Variants in CPNE8 observed in about 807,000 individuals in gnomAD.
The protein encoded by CPNE8 is copine 8, also known as copine-8.
Under a neutral mutation model 81.5 loss-of-function variants are expected in CPNE8, and 45 were observed. That is an observed-to-expected ratio of 0.55 (90% CI 0.44 to 0.71). CPNE8 has a LOEUF of 0.71. Among genes scored for constraint, CPNE8 ranks in the 30% least tolerant of loss-of-function variants. The pLI is 0.00. For missense variants in CPNE8, 594 were observed against 672.1 expected, an observed-to-expected ratio of 0.88 and a Z score of 1.28; for synonymous variants, 252 against 226.3, an observed-to-expected ratio of 1.11 and a Z score of -1.02.
chr12:38,724,863 AT>A lies in CPNE8; in HGVS notation c.834del (p.Lys278AsnfsTer8). The A allele has an allele frequency of 1.3e-6, 2 of 1,490,658 alleles. No individual in the cohort carries two copies. The highest frequency in any genetic ancestry group is 1.9e-6 in the Non-Finnish European group (2 of 1,076,860). The allele number at this position is 1,490,658 out of a possible 1,614,324, so 92.3% of individuals were successfully genotyped here. On this transcript the variant is annotated frameshift_variant, in exon 12 of 20. Transcript: ENST00000331366. LOFTEE classifies it high-confidence loss of function. ...TGACTTACTGTTCCAGAATTAGTAT[AT>A]TTTTTCTTTTTTCCTTTCTTTTTGG... ...VNPKKKGKKK[K>X]YTNSGTVTLL...
chr12:38,776,636 A>G (rs1941944920), intron 6 of CPNE8, among the ~76,000 whole-genome samples: 1 of 152,044 alleles, frequency 6.6e-6, no homozygotes, highest in Non-Finnish European at 1.5e-5. Context: ...TTTCAACATA[A>G]CTTTAAACAT....
chr12:38,780,223 T>C (rs1167671837), intron 6 of CPNE8, among the ~76,000 whole-genome samples: 1 of 152,106 alleles, frequency 6.6e-6, no homozygotes, highest in African/African-American at 2.4e-5. Flanking sequence ...GTTGACTATA[T>C]ATGTTTGGAT....
Position 38,795,998 on chromosome 12 carries a change from C to T in CPNE8, c.408-19697G>A, listed in dbSNP as rs150463102. On this transcript the variant is annotated intron_variant, in intron 6 of 19. Coordinates refer to ENST00000331366, the MANE Select transcript of CPNE8 (RefSeq NM_153634.3). ...GAACTCAGGCCAGGAACGGTGGTCA[C>T]GCCTGTAATCCCAGCACTTTGAGAG... is the stretch of plus-strand genomic sequence containing the variant. Among the ~76,000 whole-genome samples, 590 of 152,232 alleles carry T rather than the reference C, an allele frequency of 3.9e-3. 1 individual carries two copies. The highest frequency in any genetic ancestry group is 5.5e-3 in the Non-Finnish European group (373 of 68,006).
rs532303763 is a variant in CPNE8 at position 38,707,255 on chromosome 12, G to A, written c.915-4334C>T. Among the ~76,000 whole-genome samples, 36 of 152,186 alleles carry A rather than the reference G, an allele frequency of 2.4e-4. No homozygotes were observed. The South Asian group carries it at 6.0e-3, about 25-fold the overall frequency. ...CTTCAGCCTACGAATTTGAGGCTGCGGTGAGCTATACTTGCACTGCTGCAC... is the reference window on the plus strand; with the variant it reads ...CTTCAGCCTACGAATTTGAGGCTGCAGTGAGCTATACTTGCACTGCTGCAC... On this transcript the variant is annotated intron_variant, in intron 13 of 19. Transcript: ENST00000331366.
chr12:38,895,963 T>C (rs1944382990), intron 1 of CPNE8, among the ~76,000 whole-genome samples: 1 of 152,108 alleles, frequency 6.6e-6, no homozygotes, highest in African/African-American at 2.4e-5. Flanking sequence ...AACCTCAATT[T>C]CTTCACTTGT....
intron 13 of CPNE8, among the ~76,000 whole-genome samples, chr12:38,717,426 G>GATATATATATATATATATATATATAT (rs1565581359): frequency 3.6e-5 from 1 of 27,780 alleles, no homozygotes; most frequent in Non-Finnish European, 7.2e-5. Flanking sequence ...AAGAAAGTGT[G>GATATATATATATATATATATATATAT]GTGTATATAT....
rs778310884 is a variant in CPNE8, at chr12:38,693,778, C to T, written c.1022G>A (p.Gly341Asp). The change falls in exon 15 of 20, where the codon GGT becomes GAT. Residue 341 changes from glycine to aspartate, a missense_variant. By Grantham distance (94) the Gly-to-Asp change is moderately conservative. Transcript: ENST00000331366. Reference sequence around the variant, plus strand: ...TTCTCCCACTGCTTTTAGTGCCATACCATAGGCATTCAGTTGGTAAGGATT... The same window carrying T: ...TTCTCCCACTGCTTTTAGTGCCATATCATAGGCATTCAGTTGGTAAGGATT... ...YMNPYQLNAY[G>D]MALKAVGEIV... 1 of 1,613,030 alleles carries T rather than the reference C, an allele frequency of 6.2e-7. No homozygotes were observed. Among genetic ancestry groups the T allele is most frequent in the African/African-American group, 1.3e-5 (1 of 74,870 alleles).
intron 4 of CPNE8, among the ~76,000 whole-genome samples, 186 bp from the exon 5 acceptor site, chr12:38,840,141 A>G (rs914906754): frequency 6.6e-6 from 1 of 152,168 alleles, no homozygotes. Context: ...AGAATTCATG[A>G]TCCTTGGGTT....
chr12:38,683,353 T>C lies in CPNE8; in HGVS notation c.1271+2137A>G, dbSNP rs139328598. 2.2e-4 allele frequency among the ~76,000 whole-genome samples: 34 copies of C among 152,288 alleles called. No homozygotes were observed. The East Asian group carries it at 5.8e-3, about 26-fold the overall frequency. ...CTAAAAATAATTTTTAATGATAATA[T>C]ATTAACATATACAGAATTTGTGTTT... On this transcript the variant is annotated intron_variant, in intron 16 of 19. Transcript: ENST00000331366.
intron 15 of CPNE8, 81 bp downstream of exon 15, chr12:38,693,575 AC>A (rs1292958697): frequency 1.6e-6 from 2 of 1,229,262 alleles, no homozygotes; most frequent in Non-Finnish European, 2.3e-6. Flanking sequence ...TACTTGACTG[AC>A]TAAAGAATAA....
At chr12:38,738,593 G>A (rs994605227) in intron 10 of CPNE8, among the ~76,000 whole-genome samples, 28 of 152,092 alleles carry the variant, frequency 1.8e-4, no homozygotes, top group East Asian at 5.8e-4. Context: ...TGAATTTAAA[G>A]CTGACAGTGT....
intron 19 of CPNE8, among the ~76,000 whole-genome samples, chr12:38,657,481 G>A (rs1938847752): frequency 6.6e-6 from 1 of 152,184 alleles, no homozygotes; most frequent in Non-Finnish European, 1.5e-5. Context: ...AGAAACTTCT[G>A]CAGACTTAAA....
chr12:38,799,180 A>G (rs1191681997), intron 6 of CPNE8, among the ~76,000 whole-genome samples: 1 of 152,158 alleles, frequency 6.6e-6, no homozygotes, highest in Non-Finnish European at 1.5e-5. Flanking sequence ...AATTGAACTC[A>G]TCTCTGCACC....
intron 3 of CPNE8, among the ~76,000 whole-genome samples, chr12:38,863,947 A>G (rs1943878847): frequency 6.6e-6 from 1 of 151,734 alleles, no homozygotes; most frequent in Non-Finnish European, 1.5e-5. Context: ...CCAGCTACTC[A>G]GGAGGCTGAG....
At chr12:38,673,639 C>G (rs1939227530) in intron 18 of CPNE8, among the ~76,000 whole-genome samples, 1 of 152,102 alleles carries the variant, frequency 6.6e-6, no homozygotes, top group Admixed American at 6.6e-5. Context: ...ATGGTGAAAA[C>G]AGAAACCAGG....
intron 6 of CPNE8, among the ~76,000 whole-genome samples, chr12:38,780,334 G>A (rs1012836393): frequency 2.0e-5 from 3 of 152,018 alleles, no homozygotes; most frequent in Non-Finnish European, 4.4e-5. Context: ...ATTATGAAGA[G>A]GTTTGGAGTC....
At chr12:38,805,677 TAAA>T (rs71068581) in intron 6 of CPNE8, among the ~76,000 whole-genome samples, 1 of 104,836 alleles carries the variant, frequency 9.5e-6, no homozygotes, top group Non-Finnish European at 1.9e-5. Flanking sequence ...AAAAAAACAT[TAAA>T]AAAAAAAAAA....
chr12:38,752,551 T>C (rs560550957), intron 10 of CPNE8, among the ~76,000 whole-genome samples: 71 of 152,276 alleles, frequency 4.7e-4, no homozygotes, highest in Admixed American at 2.6e-3. Flanking sequence ...TCTATTTTGA[T>C]GGCAGATAAA....
chr12:38,900,029 T>G (rs1363914015), intron 1 of CPNE8, among the ~76,000 whole-genome samples: 2 of 152,236 alleles, frequency 1.3e-5, no homozygotes, highest in Non-Finnish European at 2.9e-5. Flanking sequence ...CTTTCAGCAT[T>G]TCTTAAATTT....
Sources: gnomAD v4.1 joint callset for allele counts (sites outside exome capture counted in the v4.1 genomes callset) on GRCh38, gnomAD v4.1.1 for gene constraint, MANE v1.5 for transcripts, NCBI Gene and HGNC (gene_info 2026-07-23, HGNC 2026-07-21) for gene names.